The following DNAH5 variants were observed in gnomAD, a reference collection of about 807,000 sequenced individuals.
The protein encoded by DNAH5 is axonemal beta dynein heavy chain 5.
Under a neutral mutation model 518.2 loss-of-function variants are expected in DNAH5, and 372 were observed. The observed-to-expected ratio is 0.72, with a 90% CI of 0.66 to 0.78. The LOEUF is 0.78. Among genes scored for constraint, DNAH5 ranks in the 30% least tolerant of loss-of-function variants. The pLI, the probability that DNAH5 is intolerant of heterozygous loss-of-function variation, is 0.00. For synonymous variants in DNAH5, 2,039 were observed against 2,025.9 expected (o/e 1.01, Z -0.17); for missense variants, 5,523 against 5,687.0 (o/e 0.97, Z 0.93).
chr5:13,737,539 CTT>C (rs747037141), intron 65 of DNAH5, 44 bp from the exon 66 acceptor site: 7 of 1,596,314 alleles, frequency 4.4e-6, no homozygotes, highest in Non-Finnish European at 6.0e-6. Flanking sequence ...ATTAACAACT[CTT>C]GTTGAGTATT....
rs773377050 is a variant in DNAH5, at chr5:13,727,583, G to A, written c.11957C>T (p.Ala3986Val). The change falls in exon 70 of 79, where the codon GCC becomes GTC. Residue 3986 changes from alanine (A) to valine (V), a missense_variant. By Grantham distance (64) the Ala-to-Val change is moderately conservative. Transcript: ENST00000265104. The part of the protein sequence containing the change: ...ENPEEEPLPN[A>V]YDKSLDCFRR... Reference sequence around the variant, plus strand: ...GAAGCAGTCAAGAGATTTATCATAGGCATTTGGAAGAGGTTCCTCCTCCGG... The same window carrying A: ...GAAGCAGTCAAGAGATTTATCATAGACATTTGGAAGAGGTTCCTCCTCCGG... The A allele has an allele frequency of 1.3e-5, 21 of 1,613,642 alleles. No homozygotes were observed. The highest frequency in any genetic ancestry group is 5.5e-5 in the South Asian group (5 of 91,076).
At chr5:13,862,153 A>C (rs1306396313) in intron 29 of DNAH5, among the ~76,000 whole-genome samples, 1 of 141,250 alleles carries the variant, frequency 7.1e-6, no homozygotes, top group East Asian at 2.0e-4. Flanking sequence ...TGAGCTGTGC[A>C]GTCAGGCTTG....
chr5:13,903,927 A>C (rs1358002739), intron 12 of DNAH5, among the ~76,000 whole-genome samples: 1 of 152,140 alleles, frequency 6.6e-6, no homozygotes, highest in Non-Finnish European at 1.5e-5. Flanking sequence ...AAGATGCAAG[A>C]ATAAGCAAAG....
rs1246556730 is a variant in DNAH5 at position 13,737,422 on chromosome 5, T to C, written c.11285A>G (p.Asp3762Gly). The C allele has an allele frequency of 6.2e-7, 1 of 1,614,166 alleles. No individual in the cohort carries two copies. Among genetic ancestry groups the C allele is most frequent in the Admixed American group, 1.7e-5 (1 of 60,012 alleles). ...ANKRRMKELEDNLLYRLTSTQ... is the reference protein window; with the variant it reads ...ANKRRMKELEGNLLYRLTSTQ... ...ACTTGTCAGGCGGTAAAGCAAGTTA[T>C]CTTCTAGTTCCTTCATCCTTCTTTT... Residue 3762 changes from aspartate (D) to glycine (G), a missense_variant, in exon 66 of 79, where the codon GAT becomes GGT. Physicochemically the swap from Asp to Gly is moderately conservative, Grantham distance 94. Around this residue, in one of 3 missense-constraint regions of DNAH5, gnomAD observed 5,121 missense variants for 5,223.3 expected, o/e 0.98. Coordinates refer to ENST00000265104, the MANE Select transcript of DNAH5 (RefSeq NM_001369.3).
At chr5:13,854,752 A>G (rs562907631) in intron 30 of DNAH5, among the ~76,000 whole-genome samples, 1 of 152,328 alleles carries the variant, frequency 6.6e-6, no homozygotes, top group South Asian at 2.1e-4. Context: ...TAAACCAACA[A>G]AGATCAAAAA....
At chr5:13,898,928 T>C in intron 15 of DNAH5, 1 of 259,334 alleles carries the variant, frequency 3.9e-6, no homozygotes, top group Non-Finnish European at 7.2e-6. Flanking sequence ...CTTTTTTTGT[T>C]GTTTTTTGTT....
chr5:13,830,196 A>T lies in DNAH5; in HGVS notation c.6079T>A (p.Ser2027Thr). 6.2e-7 allele frequency: 1 copy of T among 1,614,092 alleles called. No homozygotes were observed. The highest frequency in any genetic ancestry group is 1.1e-5 in the South Asian group (1 of 91,062). ...RIFKGLAQSG[S>T]WGCFDEFNRI... ...TTAAATTCATCAAAACAACCCCAGG[A>T]TCCAGACTGTGCCAGTCCTTCGAAA... Residue 2027 changes from serine to threonine, a missense_variant, in exon 37 of 79, where the codon TCC (serine) becomes ACC (threonine). Physicochemically the swap from Ser to Thr is moderately conservative, Grantham distance 58. Coordinates refer to ENST00000265104, the MANE Select transcript of DNAH5 (RefSeq NM_001369.3).
chr5:13,712,810 A>T (rs970441212), intron 75 of DNAH5, among the ~76,000 whole-genome samples: 1 of 152,126 alleles, frequency 6.6e-6, no homozygotes, highest in African/African-American at 2.4e-5. Context: ...ATAATCGAAA[A>T]ATCAAAAAAC....
chr5:14,003,051 G>A (rs994805136), intron 1 of DNAH5, among the ~76,000 whole-genome samples: 3 of 152,102 alleles, frequency 2.0e-5, no homozygotes, highest in Non-Finnish European at 2.9e-5. Context: ...AAGCAAAAAG[G>A]TTCTGTTTTT....
chr5:13,921,481 A>T (rs13162588), intron 5 of DNAH5, among the ~76,000 whole-genome samples: 1,675 of 40,098 alleles, frequency 0.042, 45 homozygotes, highest in South Asian at 0.075. Flanking sequence ...TCTCTCACAC[A>T]CACACACACA....
chr5:13,814,477 T>G, intron 43 of DNAH5, 128 bp downstream of exon 43: 1 of 893,722 alleles, frequency 1.1e-6, no homozygotes, highest in East Asian at 2.4e-5. Context: ...CATTCAAGTA[T>G]CTTCCACAAA....
intron 38 of DNAH5, among the ~76,000 whole-genome samples, chr5:13,827,751 T>G (rs1763082224): frequency 1.3e-5 from 2 of 151,924 alleles, no homozygotes; most frequent in Non-Finnish European, 2.9e-5. Context: ...CGAAGTGTAG[T>G]TCCATAATCC....
chr5:13,718,229 C>T (rs969964189), intron 72 of DNAH5, among the ~76,000 whole-genome samples: 2 of 152,180 alleles, frequency 1.3e-5, no homozygotes, highest in African/African-American at 4.8e-5. Flanking sequence ...GAGAGATTCT[C>T]TTGTCCCTAT....
In DNAH5 at chr5:13,691,837, C is replaced by A; in HGVS notation, c.*147G>T. 1.2e-6 allele frequency: 1 copy of A among 863,646 alleles called. No individual in the cohort carries two copies. Among genetic ancestry groups the A allele is most frequent in the South Asian group, 1.6e-5 (1 of 60,644 alleles). The allele number at this position is 863,646 out of a possible 1,614,324, so 53.5% of individuals were successfully genotyped here. On this transcript the variant is annotated 3_prime_UTR_variant, in exon 79 of 79. Transcript: ENST00000265104. Reference sequence around the variant, plus strand: ...GATGAAACAAGTAAAATATAAGCATCCAATTAAGGAGTGGGGAAAACCTAT... The same window carrying A: ...GATGAAACAAGTAAAATATAAGCATACAATTAAGGAGTGGGGAAAACCTAT...
intron 10 of DNAH5, 55 bp downstream of exon 10, chr5:13,914,464 CT>C: frequency 1.3e-6 from 2 of 1,577,360 alleles, no homozygotes; most frequent in Middle Eastern, 2.1e-4. Context: ...TTAAGATGGT[CT>C]CAACAAAAAT....
At position 13,841,057 on chromosome 5, in the gene DNAH5, T is replaced by C. The variant is rs1765090297; in HGVS notation, c.5558A>G (p.Lys1853Arg). 6.2e-7 allele frequency: 1 copy of C among 1,614,078 alleles called. No homozygotes were observed. The highest frequency in any genetic ancestry group is 1.1e-5 in the South Asian group (1 of 91,084). Residue 1853 changes from lysine to arginine, a missense_variant, in exon 34 of 79, where the codon AAA (lysine) becomes AGA (arginine). Physicochemically the swap from Lys to Arg is conservative, Grantham distance 26. This residue lies in a region of DNAH5 where 5,121 missense variants were observed against 5,223.3 expected (regional missense o/e 0.98). Coordinates refer to ENST00000265104, the MANE Select transcript of DNAH5 (RefSeq NM_001369.3). ...EEALRNAKFDKKIMQKTNQAF... is the reference protein window; with the variant it reads ...EEALRNAKFDRKIMQKTNQAF... The stretch of plus-strand genomic sequence containing the variant: ...CTGATTAGTTTTCTGCATGATTTTT[T>C]TATCAAACTTGGCATTTCTAAGGGC...
chr5:13,755,304 TTAAA>T (rs1002935512), intron 61 of DNAH5, among the ~76,000 whole-genome samples: 2 of 152,104 alleles, frequency 1.3e-5, no homozygotes, highest in African/African-American at 4.8e-5. Context: ...AGAGGATTAT[TTAAA>T]TAAATTATAG....
At chr5:13,767,090 T>C (rs879867105) in intron 58 of DNAH5, among the ~76,000 whole-genome samples, 2 of 152,180 alleles carry the variant, frequency 1.3e-5, no homozygotes, top group Non-Finnish European at 2.9e-5. Flanking sequence ...TGTAATTACA[T>C]ACCTTGAAAA....
Position 13,811,632 on chromosome 5 carries a change from A to G in DNAH5, c.7407+15T>C, listed in dbSNP as rs1561324607. ...TTGATAAGAGAGAATTTCTCTAGAA[A>G]GTTGAGCAATTTACCTTCAGAGGAA... On this transcript the variant is annotated intron_variant, in intron 44 of 78. Coordinates refer to ENST00000265104, the MANE Select transcript of DNAH5 (RefSeq NM_001369.3). 3 of 1,612,998 alleles carry G rather than the reference A, an allele frequency of 1.9e-6. No individual in the cohort carries two copies. Among genetic ancestry groups the G allele is most frequent in the East Asian group, 4.5e-5 (2 of 44,874 alleles).
Sources: allele counts gnomAD v4.1 joint callset (sites outside exome capture counted in the v4.1 genomes callset), GRCh38; gene constraint gnomAD v4.1.1; regional missense constraint gnomAD v4.1.1; transcripts MANE v1.5; gene names NCBI Gene and HGNC (gene_info 2026-07-23, HGNC 2026-07-21).